ZNF346: variants seen among roughly 807,000 people sequenced by gnomAD.
The protein encoded by ZNF346 is zinc finger protein 346.
ZNF346 carries 23 observed loss-of-function variants against 33.7 expected under a neutral mutation model. The observed-to-expected ratio is 0.68, with a 90% CI of 0.49 to 0.97. ZNF346 has a LOEUF of 0.97. Among genes scored for constraint, ZNF346 ranks in the 50% least tolerant of loss-of-function variants. The probability of loss-of-function intolerance (pLI) is 0.00; values close to 1 mark genes in which losing one functional copy is unlikely to be tolerated. For synonymous variants in ZNF346, 134 were observed against 142.4 expected (o/e 0.94, Z 0.42); for missense variants, 340 against 371.1 (o/e 0.92, Z 0.69).
intron 5 of ZNF346, among the ~76,000 whole-genome samples, chr5:177,058,757 TG>T (rs1221206237): frequency 6.6e-6 from 1 of 152,166 alleles, no homozygotes; most frequent in Non-Finnish European, 1.5e-5. Flanking sequence ...TCAGCATACT[TG>T]GCAGGAGGCT....
At chr5:177,070,224 G>GT (rs535889879), downstream of ZNF346, among the ~76,000 whole-genome samples, 79 of 152,282 alleles carry the variant, frequency 5.2e-4, no homozygotes, top group African/African-American at 1.7e-3. Context: ...GGTGTTGTCA[G>GT]TTTTTTTAAT....
chr5:177,073,494 A>G lies in ZNF346; in HGVS notation c.*3-5888A>G, dbSNP rs567105293. Among the ~76,000 whole-genome samples the G allele has an allele frequency of 8.9e-4, 135 of 152,152 alleles. 7 individuals are homozygous for G. In the South Asian group the frequency reaches 0.027, roughly 31 times the overall value. The stretch of plus-strand genomic sequence containing the variant: ...AATTATCTTATTTTTTGTAGACACA[A>G]GGTCCCACTGTGTTGCCCAGGCTGG... On this transcript the variant is annotated intron_variant, in intron 8 of 8. Coordinates refer to the ZNF346 transcript ENST00000503039.
chr5:177,069,193 A>C (rs1783377092), downstream of ZNF346, among the ~76,000 whole-genome samples: 1 of 142,532 alleles, frequency 7.0e-6, no homozygotes, highest in Non-Finnish European at 1.5e-5. Context: ...GCAGTGGCTC[A>C]TGCCTGTAAT....
chr5:177,054,678 C>T (rs973814544), intron 5 of ZNF346, among the ~76,000 whole-genome samples: 3 of 152,074 alleles, frequency 2.0e-5, no homozygotes, highest in South Asian at 2.1e-4. Flanking sequence ...GGATTACAGG[C>T]GTGAGCCCCC....
At chr5:177,047,345 T>TG (rs1199193918) in intron 4 of ZNF346, among the ~76,000 whole-genome samples, 2 of 151,372 alleles carry the variant, frequency 1.3e-5, no homozygotes, top group Admixed American at 6.6e-5. Context: ...TTTTTGTTTT[T>TG]TTTTTTTTTT....
At chr5:177,054,993 G>A (rs1299488009) in intron 5 of ZNF346, among the ~76,000 whole-genome samples, 1 of 150,336 alleles carries the variant, frequency 6.7e-6, no homozygotes, top group Non-Finnish European at 1.5e-5. Context: ...TGTAGATTTT[G>A]CTACATATTA....
At chr5:177,036,464 G>A (rs762412221) in intron 1 of ZNF346, among the ~76,000 whole-genome samples, 1 of 152,176 alleles carries the variant, frequency 6.6e-6, no homozygotes, top group African/African-American at 2.4e-5. Context: ...GGATCTGTGT[G>A]TTGGTAGGGA....
At chr5:177,024,623 A>G (rs1483422586) in intron 1 of ZNF346, among the ~76,000 whole-genome samples, 2 of 152,196 alleles carry the variant, frequency 1.3e-5, no homozygotes, top group African/African-American at 2.4e-5. Flanking sequence ...CTGGAGTATC[A>G]GAGGAAGATA....
chr5:177,071,695 A>AG (rs1207341947), downstream of ZNF346, among the ~76,000 whole-genome samples: 3 of 149,290 alleles, frequency 2.0e-5, no homozygotes, highest in Non-Finnish European at 4.4e-5. Context: ...AAAAAAAAAA[A>AG]AAGAAGAAGA....
intron 1 of ZNF346, among the ~76,000 whole-genome samples, chr5:177,028,040 CTTTTTTTTTT>C (rs10682528): frequency 3.1e-3 from 103 of 33,528 alleles, no homozygotes; most frequent in African/African-American, 0.013. Flanking sequence ...CCTTGTGTCA[CTTTTTTTTTT>C]TTTTTTTTTT....
chr5:177,022,798 C>T lies in ZNF346; in HGVS notation c.60C>T (p.Tyr20=), dbSNP rs1424372808. ...QAADGGAAGP[Y]SSSELLEGQE... is the part of the protein sequence containing the mutation. Reference sequence around the variant, plus strand: ...CGGACGGCGGAGCGGCCGGGCCTTACAGCAGCTCGGAGTTGCTGGAGGGCC... The same window carrying T: ...CGGACGGCGGAGCGGCCGGGCCTTATAGCAGCTCGGAGTTGCTGGAGGGCC... The change falls in exon 1 of 7, where the codon TAC becomes TAT. Residue 20 remains tyrosine (Y), a synonymous_variant. Coordinates refer to ENST00000358149, the MANE Select transcript of ZNF346 (RefSeq NM_012279.4). The T allele has an allele frequency of 1.9e-6, 3 of 1,546,042 alleles. No individual in the cohort carries two copies. The Admixed American group carries it at 6.0e-5, about 31-fold the overall frequency.
At position 177,043,151 on chromosome 5, in the gene ZNF346, C is replaced by T. The variant is rs73343945; in HGVS notation, c.373-1238C>T. ...ACAAGTGTGAGCCACTGCGCCCAGCCGCCTGGCTGATTTTTTAAAAAATTT... is the reference window on the plus strand; with the variant it reads ...ACAAGTGTGAGCCACTGCGCCCAGCTGCCTGGCTGATTTTTTAAAAAATTT... On this transcript the variant is annotated intron_variant, in intron 3 of 6. Transcript: ENST00000358149. Among the ~76,000 whole-genome samples, 1,108 of 152,170 alleles carry T rather than the reference C, an allele frequency of 7.3e-3. 13 individuals carry two copies. Among genetic ancestry groups the T allele is most frequent in the African/African-American group, 0.025 (1,022 of 41,504 alleles).
At position 177,050,575 on chromosome 5, in the gene ZNF346, ACT is replaced by A. The variant is rs1780713817; in HGVS notation, c.518-174_518-173del. On this transcript the variant is annotated intron_variant, in intron 4 of 6. Coordinates refer to ENST00000358149, the MANE Select transcript of ZNF346 (RefSeq NM_012279.4). ...ATTAGAGAATGCATTCACCTGTGTG[ACT>A]CACACAGGCAGTGCCACATCTGCAG... 3 of 650,438 alleles carry A rather than the reference ACT, an allele frequency of 4.6e-6. No individual in the cohort carries two copies. In the South Asian group the frequency reaches 5.7e-5, roughly 12 times the overall value. The allele number at this position is 650,438 out of a possible 1,614,324, so 40.3% of individuals were successfully genotyped here.
chr5:177,073,349 G>A (rs1201372598), intron 8 of ZNF346, among the ~76,000 whole-genome samples: 1 of 152,192 alleles, frequency 6.6e-6, no homozygotes, highest in East Asian at 1.9e-4. Context: ...TGTCACACAG[G>A]CTGGAATGCA....
intron 1 of ZNF346, among the ~76,000 whole-genome samples, chr5:177,031,122 G>A (rs902534264): frequency 2.6e-5 from 4 of 151,958 alleles, no homozygotes; most frequent in Admixed American, 6.6e-5. Flanking sequence ...TGCATGCTCC[G>A]CCTCCTGGGT....
At chr5:177,042,729 TTCTC>T (rs1561991868) in intron 3 of ZNF346, among the ~76,000 whole-genome samples, 1 of 152,148 alleles carries the variant, frequency 6.6e-6, no homozygotes, top group Non-Finnish European at 1.5e-5. Context: ...TCCTTTCTAT[TTCTC>T]TATCTGTCTA....
intron 1 of ZNF346, among the ~76,000 whole-genome samples, chr5:177,028,521 T>TATATATATATATATATATATATATATATA (rs56006820): frequency 1.2e-3 from 160 of 135,752 alleles, no homozygotes; most frequent in Non-Finnish European, 1.6e-3. Flanking sequence ...TATATATATA[T>TATATATATATATATATATATATATATATA]TTCCCTCCAT....
At chr5:177,037,211 T>C (rs907733405) in intron 1 of ZNF346, among the ~76,000 whole-genome samples, 3 of 152,166 alleles carry the variant, frequency 2.0e-5, no homozygotes, top group Non-Finnish European at 2.9e-5. Context: ...TATATTCAAC[T>C]TCGCTTCCTC....
intron 6 of ZNF346, among the ~76,000 whole-genome samples, chr5:177,064,292 A>T (rs529676625): frequency 6.6e-6 from 1 of 152,182 alleles, no homozygotes; most frequent in Admixed American, 6.5e-5. Context: ...GTTTCCTTGT[A>T]TGTAAAATGA....
Sources: allele counts gnomAD v4.1 joint callset (sites outside exome capture counted in the v4.1 genomes callset), GRCh38; gene constraint gnomAD v4.1.1; transcripts MANE v1.5; gene names NCBI Gene and HGNC (gene_info 2026-07-23, HGNC 2026-07-21).